The following ADCY2 variants were observed in gnomAD, a reference collection of about 807,000 sequenced individuals.
The protein encoded by ADCY2 is adenylate cyclase type 2.
ADCY2 carries 31 observed loss-of-function variants against 125.2 expected under a neutral mutation model. The ratio of observed to expected loss-of-function variants is 0.25; its 90% CI spans 0.19 to 0.33. The LOEUF (loss-of-function observed/expected upper bound fraction) is 0.33. Among genes scored for constraint, ADCY2 ranks in the 10% least tolerant of loss-of-function variants. The pLI is 1.00. For synonymous variants in ADCY2, 512 were observed against 548.4 expected (o/e 0.93, Z 0.93); for missense variants, 904 against 1,418.2 (o/e 0.64, Z 5.82).
intron 20 of ADCY2, among the ~76,000 whole-genome samples, chr5:7,790,478 G>T (rs1744218140): frequency 6.6e-6 from 1 of 152,210 alleles, no homozygotes; most frequent in Non-Finnish European, 1.5e-5. Context: ...GTTGTGAGAT[G>T]TCTTTAATAT....
At chr5:7,413,070 T>TC (rs1739786542) in intron 1 of ADCY2, among the ~76,000 whole-genome samples, 1 of 152,174 alleles carries the variant, frequency 6.6e-6, no homozygotes. Flanking sequence ...TCTGGCTTTT[T>TC]CCCTCCTTGG....
chr5:7,767,967 C>T (rs1393424746), intron 17 of ADCY2, among the ~76,000 whole-genome samples: 1 of 151,730 alleles, frequency 6.6e-6, no homozygotes, highest in African/African-American at 2.4e-5. Flanking sequence ...GGAGGCAGAG[C>T]TTGCAGTAAG....
Position 7,774,839 on chromosome 5 carries a change from C to T in ADCY2, c.2384+1738C>T, listed in dbSNP as rs567753507. 2.0e-5 allele frequency among the ~76,000 whole-genome samples: 3 copies of T among 152,122 alleles called. No individual in the cohort carries two copies. The South Asian group carries it at 6.2e-4, about 32-fold the overall frequency. ...GGGGCACGCACCTGTCTCTCACTTC[C>T]TAATTTTTTAAAAAAATTTTGTGGA... On this transcript the variant is annotated intron_variant, in intron 18 of 24. Coordinates refer to ENST00000338316, the MANE Select transcript of ADCY2 (RefSeq NM_020546.3).
intron 17 of ADCY2, among the ~76,000 whole-genome samples, chr5:7,768,329 C>T (rs1203196827): frequency 6.6e-6 from 1 of 152,096 alleles, no homozygotes; most frequent in Non-Finnish European, 1.5e-5. Flanking sequence ...ATTTGTGGGC[C>T]ATTTGGAGCT....
intron 2 of ADCY2, among the ~76,000 whole-genome samples, chr5:7,473,429 G>T (rs1351950034): frequency 6.6e-6 from 1 of 151,988 alleles, no homozygotes; most frequent in African/African-American, 2.4e-5. Context: ...AATAGGACAA[G>T]AATTCACTCA....
At position 7,567,207 on chromosome 5, in the gene ADCY2, A is replaced by C. The variant is rs73048121; in HGVS notation, c.570+46308A>C. On this transcript the variant is annotated intron_variant, in intron 3 of 24. Transcript: ENST00000338316. Reference sequence around the variant, plus strand: ...GCAGGCTTTGATTTTTTAAAGGTTTACTACTGTATTATCTTTGAATTGAGG... The same window carrying C: ...GCAGGCTTTGATTTTTTAAAGGTTTCCTACTGTATTATCTTTGAATTGAGG... Among the ~76,000 whole-genome samples the C allele has an allele frequency of 8.1e-3, 1,236 of 152,194 alleles. 17 individuals carry two copies. Among genetic ancestry groups the C allele is most frequent in the African/African-American group, 0.028 (1,165 of 41,540 alleles).
chr5:7,573,588 A>ATTTTTT (rs1561102712), intron 3 of ADCY2, among the ~76,000 whole-genome samples: 1 of 94,618 alleles, frequency 1.1e-5, no homozygotes, highest in Non-Finnish European at 2.2e-5. Flanking sequence ...TACAGGGTTG[A>ATTTTTT]TTTTCTTTTT....
intron 4 of ADCY2, 92 bp from the exon 5 acceptor site, chr5:7,690,599 C>T: frequency 8.3e-7 from 1 of 1,207,254 alleles, no homozygotes; most frequent in South Asian, 2.8e-5. Flanking sequence ...CCAAACTGGC[C>T]TTCCTACAAA....
intron 15 of ADCY2, among the ~76,000 whole-genome samples, chr5:7,747,539 A>G (rs982150093): frequency 2.0e-5 from 3 of 152,172 alleles, no homozygotes; most frequent in African/African-American, 7.2e-5. Context: ...CTATGTGTCA[A>G]TGATCACGTG....
intron 3 of ADCY2, among the ~76,000 whole-genome samples, chr5:7,571,059 T>C (rs11950167): frequency 0.17 from 26,400 of 152,030 alleles, 2,550 homozygotes; most frequent in South Asian, 0.23. Flanking sequence ...AAATATATGC[T>C]ATGGGAATTT....
rs34875401 is a variant in ADCY2 at position 7,525,655 on chromosome 5, ATGTGTGTGTGTG to A, written c.570+4770_570+4781del. 3.3e-5 allele frequency among the ~76,000 whole-genome samples: 5 copies of A among 150,602 alleles called. No homozygotes were observed. In the East Asian group the frequency reaches 7.9e-4, roughly 24 times the overall value. ...ACACACATTTACATCTACATTATAG[ATGTGTGTGTGTG>A]TGTGTGTGTGTGTTTGTATATACTA... On this transcript the variant is annotated intron_variant, in intron 3 of 24. Transcript: ENST00000338316.
chr5:7,774,679 C>A (rs1743662362), intron 18 of ADCY2, among the ~76,000 whole-genome samples: 1 of 152,060 alleles, frequency 6.6e-6, no homozygotes, highest in African/African-American at 2.4e-5. Flanking sequence ...GCCTTTAGAT[C>A]ACATTCTCTG....
chr5:7,777,166 A>G (rs759799976), intron 18 of ADCY2, among the ~76,000 whole-genome samples: 39 of 152,038 alleles, frequency 2.6e-4, no homozygotes, highest in Non-Finnish European at 4.1e-4. Context: ...CTGAGGACCA[A>G]GCAGCTCCTC....
intron 17 of ADCY2, among the ~76,000 whole-genome samples, chr5:7,768,386 C>A (rs536652388): frequency 7.2e-5 from 11 of 152,244 alleles, no homozygotes; most frequent in African/African-American, 2.6e-4. Context: ...CCTGCCTATT[C>A]CTCCTTGATC....
intron 7 of ADCY2, among the ~76,000 whole-genome samples, chr5:7,702,028 C>T (rs1310945837): frequency 6.6e-6 from 1 of 152,142 alleles, no homozygotes; most frequent in Non-Finnish European, 1.5e-5. Context: ...TTACCTGCCA[C>T]TTGCGGAACA....
chr5:7,685,059 A>C (rs903662220), intron 4 of ADCY2: 1 of 152,134 alleles, frequency 6.6e-6, no homozygotes, highest in Non-Finnish European at 1.5e-5. Context: ...TCCTCCTCCC[A>C]CAAGTCAGAG....
rs372077252 is a variant in ADCY2, at chr5:7,675,047, C to T, written c.721-15644C>T. Among the ~76,000 whole-genome samples the T allele has an allele frequency of 3.3e-5, 5 of 151,534 alleles. 1 individual carries two copies. The highest frequency in any genetic ancestry group is 2.4e-5 in the African/African-American group (1 of 41,322). On this transcript the variant is annotated intron_variant, in intron 4 of 24. Transcript: ENST00000338316. ...GCGGGCACCTGTAGTCTCAGCTACT[C>T]GAGAGGCTGAGGCAGGAGAATGGCG...
intron 3 of ADCY2, among the ~76,000 whole-genome samples, chr5:7,583,397 G>T (rs910961973): frequency 6.6e-6 from 1 of 152,148 alleles, no homozygotes; most frequent in African/African-American, 2.4e-5. Context: ...TCTTGTAAAA[G>T]TAGAACAAAG....
In ADCY2 at chr5:7,591,384, C is replaced by T. The variant is rs991002165; in HGVS notation, c.571-34783C>T. 2.6e-5 allele frequency among the ~76,000 whole-genome samples: 4 copies of T among 152,260 alleles called. 1 individual carries two copies. Among genetic ancestry groups the T allele is most frequent in the Non-Finnish European group, 1.5e-5 (1 of 68,018 alleles). On this transcript the variant is annotated intron_variant, in intron 3 of 24. Transcript: ENST00000338316. ...AGTAATGATCACATTTATGATTCTG[C>T]ACATGAACAGGACAGGTGATGTGAA...
Sources: allele counts gnomAD v4.1 joint callset (sites outside exome capture counted in the v4.1 genomes callset), GRCh38; gene constraint gnomAD v4.1.1; transcripts MANE v1.5; gene names NCBI Gene and HGNC (gene_info 2026-07-23, HGNC 2026-07-21).